The following SYNE2 variants were observed in gnomAD, a reference collection of about 807,000 sequenced individuals.
The protein encoded by SYNE2 is nesprin-2.
In SYNE2, 431 loss-of-function variants were observed where a neutral mutation model predicts 856.3. The ratio of observed to expected loss-of-function variants is 0.50; its 90% CI spans 0.47 to 0.55. The LOEUF is 0.55. SYNE2 is among the 20% of genes least tolerant of loss of function. The pLI, the probability that SYNE2 is intolerant of heterozygous loss-of-function variation, is 0.00. For synonymous variants in SYNE2, 2,923 were observed against 2,872.3 expected, an observed-to-expected ratio of 1.02 and a Z score of -0.56; for missense variants, 8,129 against 8,023.2, an observed-to-expected ratio of 1.01 and a Z score of -0.50.
At chr14:63,790,597 G>A (rs1280694896) in intron 1 of SYNE2, among the ~76,000 whole-genome samples, 2 of 152,182 alleles carry the variant, frequency 1.3e-5, no homozygotes, top group Non-Finnish European at 1.5e-5. Flanking sequence ...TTGTAGAGGA[G>A]CATTTCCAAG....
chr14:64,051,926 C>A lies in SYNE2; in HGVS notation c.8013C>A (p.Asp2671Glu). Residue 2671 changes from aspartate (D) to glutamate (E), a missense_variant, in exon 48 of 116, where the codon GAC becomes GAA. By Grantham distance (45) the Asp-to-Glu change is conservative (BLOSUM62 2). This residue lies in a region of SYNE2 where 5,410 missense variants were observed against 5,284.8 expected (regional missense o/e 1.02). Transcript: ENST00000555002. ...GNQSMIALTT[D>E]LQATKHGFSV... ...AAAGCATGATTGCCTTGACCACTGA[C>A]CTCCAGGCTACCAAGCATGGATTTT... The A allele has an allele frequency of 6.2e-7, 1 of 1,613,856 alleles. No homozygotes were observed. The highest frequency in any genetic ancestry group is 2.2e-5 in the East Asian group (1 of 44,884).
At chr14:64,222,025 A>G (rs1489845549) in intron 112 of SYNE2, among the ~76,000 whole-genome samples, 1 of 152,220 alleles carries the variant, frequency 6.6e-6, no homozygotes, top group African/African-American at 2.4e-5. Flanking sequence ...GGGGAGAAAT[A>G]TGGTGCTCAT....
rs1023512828 is a variant in SYNE2 at position 63,865,715 on chromosome 14, C to T, written c.-52+12572C>T. ...CAACAAGAGCAAAACTCTGTACCCA[C>T]CCCCCCCCCAAAAAAAAAGAAAAGA... On this transcript the variant is annotated intron_variant, in intron 1 of 115. Coordinates refer to ENST00000555002, the MANE Select transcript of SYNE2 (RefSeq NM_182914.3). 2.0e-4 allele frequency among the ~76,000 whole-genome samples: 11 copies of T among 55,402 alleles called. 1 individual carries two copies. Among genetic ancestry groups the T allele is most frequent in the East Asian group, 4.2e-4 (1 of 2,358 alleles). 36.3% of individuals were successfully genotyped at this position (55,402 alleles called of 152,430 possible).
rs1175752590 is a variant in SYNE2, at chr14:64,126,315, C to G, written c.13555-12C>G. 17 of 1,611,702 alleles carry G rather than the reference C, an allele frequency of 1.1e-5. No individual in the cohort carries two copies. The highest frequency in any genetic ancestry group is 1.4e-5 in the Non-Finnish European group (16 of 1,178,236). ...ATCTTAATTTTCTTTTTCTTTTTTC[C>G]TCTTGATTCAGGAAAATATGACAGA... On this transcript the variant is annotated splice_polypyrimidine_tract_variant and intron_variant, in intron 71 of 115. Coordinates refer to ENST00000555002, the MANE Select transcript of SYNE2 (RefSeq NM_182914.3).
At chr14:63,982,911 T>G in intron 17 of SYNE2, 117 bp downstream of exon 17, 2 of 1,040,506 alleles carry the variant, frequency 1.9e-6, no homozygotes, top group South Asian at 2.8e-5. Context: ...ACGTAGCCAT[T>G]ACCATAAAAA....
At chr14:64,150,820 G>T (rs895455639) in intron 84 of SYNE2, among the ~76,000 whole-genome samples, 2 of 152,110 alleles carry the variant, frequency 1.3e-5, no homozygotes, top group East Asian at 1.9e-4. Context: ...AGGCTGTCAG[G>T]GTGTGAGGGA....
intron 19 of SYNE2, among the ~76,000 whole-genome samples, chr14:63,988,703 G>C (rs905928465): frequency 3.9e-5 from 6 of 152,224 alleles, no homozygotes; most frequent in African/African-American, 1.4e-4. Context: ...AGTTCCACGT[G>C]TGTGGGAAGG....
intron 1 of SYNE2, among the ~76,000 whole-genome samples, chr14:63,777,273 C>G (rs1887146528): frequency 6.6e-6 from 1 of 152,238 alleles, no homozygotes; most frequent in South Asian, 2.1e-4. Context: ...AGAGCAAGAA[C>G]AGTGGGAAAC....
chr14:64,209,638 G>T, intron 102 of SYNE2, 60 bp downstream of exon 102: 1 of 1,604,502 alleles, frequency 6.2e-7, no homozygotes, highest in South Asian at 1.1e-5. Flanking sequence ...GAGCCTGGGG[G>T]CTGCTGAAAT....
intron 89 of SYNE2, among the ~76,000 whole-genome samples, chr14:64,164,928 C>T (rs1272888744): frequency 6.6e-6 from 1 of 151,890 alleles, no homozygotes; most frequent in Non-Finnish European, 1.5e-5. Flanking sequence ...TATTCTGTCA[C>T]CCAGGCTGGC....
At chr14:64,125,329 G>T (rs2097933249) in intron 71 of SYNE2, 119 bp downstream of exon 71, 1 of 1,415,184 alleles carries the variant, frequency 7.1e-7, no homozygotes, top group Non-Finnish European at 9.7e-7. Context: ...ATAATGGAAT[G>T]GGTCCTAGGA....
Position 64,119,463 on chromosome 14 carries a change from C to G in SYNE2, c.12877C>G (p.Leu4293Val), listed in dbSNP as rs752471261. 1 of 1,614,200 alleles carries G rather than the reference C, an allele frequency of 6.2e-7. No homozygotes were observed. The highest frequency in any genetic ancestry group is 1.1e-5 in the South Asian group (1 of 91,080). Residue 4293 changes from leucine to valine, a missense_variant, in exon 67 of 116, where the codon CTG (leucine) becomes GTG (valine). Leu to Val is a conservative substitution (Grantham distance 32, BLOSUM62 1). Around this residue, in one of 3 missense-constraint regions of SYNE2, gnomAD observed 5,410 missense variants for 5,284.8 expected, o/e 1.02. Transcript: ENST00000555002. ...LTEIEHKVAF[L>V]LETCKDQGLG... Reference sequence around the variant, plus strand: ...AGAGATTGAGCACAAGGTTGCCTTTCTGTTAGAGACTTGCAAAGATCAGGG... The same window carrying G: ...AGAGATTGAGCACAAGGTTGCCTTTGTGTTAGAGACTTGCAAAGATCAGGG...
chr14:64,219,347 G>A lies in SYNE2; in HGVS notation c.19797G>A (p.Met6599Ile), dbSNP rs368331005. The change falls in exon 110 of 116, where the codon ATG becomes ATA. Residue 6599 changes from methionine to isoleucine, a missense_variant. Met to Ile is a conservative substitution (Grantham distance 10). Coordinates refer to ENST00000555002, the MANE Select transcript of SYNE2 (RefSeq NM_182914.3). ...AAAAAACTGAAGCAGAGCTGGAAAT[G>A]TTAAAGATGGCAAAGCCTCCCTCTG... is the stretch of plus-strand genomic sequence containing the variant. Reference protein sequence around the residue: ...WLKKTEAELEMLKMAKPPSDI... With the variant: ...WLKKTEAELEILKMAKPPSDI... The A allele has an allele frequency of 1.1e-5, 18 of 1,614,002 alleles. No individual in the cohort carries two copies. The highest frequency in any genetic ancestry group is 2.7e-5 in the African/African-American group (2 of 74,900).
intron 79 of SYNE2, among the ~76,000 whole-genome samples, chr14:64,139,296 T>G (rs1215135277): frequency 6.6e-6 from 1 of 151,936 alleles, no homozygotes; most frequent in Admixed American, 6.6e-5. Context: ...ATTTTTAATA[T>G]AAACAAATTT....
At chr14:63,929,696 G>T (rs1443604694) in intron 2 of SYNE2, among the ~76,000 whole-genome samples, 1 of 151,896 alleles carries the variant, frequency 6.6e-6, no homozygotes, top group Non-Finnish European at 1.5e-5. Context: ...GCATGAACAC[G>T]GGAGGCGGAG....
At chr14:63,950,848 G>C (rs2096142580) in intron 7 of SYNE2, among the ~76,000 whole-genome samples, 1 of 151,930 alleles carries the variant, frequency 6.6e-6, no homozygotes, top group South Asian at 2.1e-4. Flanking sequence ...GTAGAGATGG[G>C]GTTTTGCCGT....
At position 64,174,032 on chromosome 14, in the gene SYNE2, G is replaced by GA. The variant is rs1031788144; in HGVS notation, c.17236-905dup. On this transcript the variant is annotated intron_variant, in intron 94 of 115. Transcript: ENST00000555002. ...GCTGTAACACCGCCACTAAAATATAGAAAAAAATAAAAATAAACAAGACCT... is the reference window on the plus strand; with the variant it reads ...GCTGTAACACCGCCACTAAAATATAGAAAAAAAATAAAAATAAACAAGACCT... The GA allele has an allele frequency of 1.5e-4, 85 of 580,348 alleles. 1 individual carries two copies. The highest frequency in any genetic ancestry group is 2.3e-4 in the Non-Finnish European group (75 of 329,992). The allele number at this position is 580,348 out of a possible 1,614,324, so 35.9% of individuals were successfully genotyped here.
intron 13 of SYNE2, among the ~76,000 whole-genome samples, chr14:63,978,530 GT>G (rs1272904516): frequency 6.6e-6 from 1 of 152,122 alleles, no homozygotes; most frequent in African/African-American, 2.4e-5. Flanking sequence ...TTAGATTATA[GT>G]TTTATTAAGT....
At chr14:63,948,798 A>ATG (rs1566884906) in intron 6 of SYNE2, among the ~76,000 whole-genome samples, 7 of 88,314 alleles carry the variant, frequency 7.9e-5, no homozygotes, top group South Asian at 4.0e-4. Context: ...ATATATATAT[A>ATG]TATATATATA....
Sources: allele counts gnomAD v4.1 joint callset (sites outside exome capture counted in the v4.1 genomes callset), GRCh38; gene constraint gnomAD v4.1.1; regional missense constraint gnomAD v4.1.1; transcripts MANE v1.5; gene names NCBI Gene and HGNC (gene_info 2026-07-23, HGNC 2026-07-21).